GPRC6A: variants seen among roughly 807,000 people sequenced by gnomAD.
GPRC6A encodes the protein G protein-coupled receptor class C group 6 member A, also known as G protein-coupled receptor family C group 6 member A.
Under a neutral mutation model 47.0 loss-of-function variants are expected in GPRC6A, and 54 were observed. That is an observed-to-expected ratio of 1.15 (90% CI 0.92 to 1.44). The LOEUF (loss-of-function observed/expected upper bound fraction) is 1.44, where lower values mean the gene tolerates loss of function less well. Among genes scored for constraint, GPRC6A ranks in the 40% most tolerant of loss-of-function variants. GPRC6A has a pLI of 0.00. For missense variants in GPRC6A, 1,112 were observed against 1,105.5 expected (o/e 1.01, Z -0.08); for synonymous variants, 347 against 377.1 (o/e 0.92, Z 0.93).
chr6:116,800,253 TCTTC>T (rs1772618651), intron 4 of GPRC6A, among the ~76,000 whole-genome samples: 1 of 91,934 alleles, frequency 1.1e-5, no homozygotes, highest in Non-Finnish European at 2.1e-5. Flanking sequence ...TTTCTCTCTC[TCTTC>T]CTTCCTTCCT....
chr6:116,793,125 G>A lies in GPRC6A; in HGVS notation c.1798C>T (p.Leu600Phe), dbSNP rs140601827. 837 of 1,613,948 alleles carry A rather than the reference G, an allele frequency of 5.2e-4. 5 individuals are homozygous for A. In the African/African-American group the frequency reaches 0.01, roughly 20 times the overall value. Residue 600 changes from leucine to phenylalanine, a missense_variant, in exon 6 of 6, where the codon CTC (leucine) becomes TTC (phenylalanine). Physicochemically the swap from Leu to Phe is conservative, Grantham distance 22. Transcript: ENST00000310357. ...ACAAATATGATTCCCAGTAGGGAGA[G>A]AATCAGGAGTAGGATGGCCAAGGAG... ...NDSLAILLLI[L>F]SLLGIIFVLV...
rs146487100 is a variant in GPRC6A at position 116,804,400 on chromosome 6, G to T, written c.1335+1970C>A. ...TTAAATATTAGTGAATTTTGCTAGGGTACAAAGTAATCCTTAAGAATGTAT... is the reference window on the plus strand; with the variant it reads ...TTAAATATTAGTGAATTTTGCTAGGTTACAAAGTAATCCTTAAGAATGTAT... On this transcript the variant is annotated intron_variant, in intron 3 of 5. Coordinates refer to ENST00000310357, the MANE Select transcript of GPRC6A (RefSeq NM_148963.4). Among the ~76,000 whole-genome samples the T allele has an allele frequency of 5.7e-4, 86 of 152,170 alleles. 2 individuals are homozygous for T. The highest frequency in any genetic ancestry group is 1.8e-3 in the African/African-American group (75 of 41,552).
rs534158958 is a variant in GPRC6A, at chr6:116,816,649, C to A, written c.195-7032G>T. ...ACCGGGTTCATCTCACTAGGGAGTG[C>A]CAGACAGTGGGCGCAGGTCAGTGGG... is the stretch of plus-strand genomic sequence containing the variant. On this transcript the variant is annotated intron_variant, in intron 1 of 5. Transcript: ENST00000310357. Among the ~76,000 whole-genome samples, 320 of 152,338 alleles carry A rather than the reference C, an allele frequency of 2.1e-3. 1 individual carries two copies. Among genetic ancestry groups the A allele is most frequent in the African/African-American group, 7.3e-3 (303 of 41,582 alleles).
Position 116,807,130 on chromosome 6 carries a change from T to C in GPRC6A, c.575A>G (p.Asp192Gly). The C allele has an allele frequency of 6.2e-7, 1 of 1,613,742 alleles. No individual in the cohort carries two copies. Among genetic ancestry groups the C allele is most frequent in the Non-Finnish European group, 8.5e-7 (1 of 1,179,742 alleles). The change falls in exon 3 of 6, where the codon GAC becomes GGC. Residue 192 changes from aspartate (D) to glycine (G), a missense_variant. Transcript: ENST00000310357. The part of the protein sequence containing the change: ...FPSFLRTVPS[D>G]FHQIKAMAHL... ...AGCCATTGCTTTAATTTGATGGAAGTCACTGGGCACAGTCCGTAAAAATGA... is the reference window on the plus strand; with the variant it reads ...AGCCATTGCTTTAATTTGATGGAAGCCACTGGGCACAGTCCGTAAAAATGA...
In GPRC6A at chr6:116,792,202, G is replaced by A. The variant is rs41290854; in HGVS notation, c.2721C>T (p.Cys907=). ...TAGATACACTTGTGGCATTTTCCCT[G>A]CATATGTGTGCAAATGCTTGTGCCT... is the stretch of plus-strand genomic sequence containing the variant. ...DLQAQAFAHI[C]RENATSVSKT... The change falls in exon 6 of 6, where the codon TGC becomes TGT. Residue 907 remains cysteine (C), a synonymous_variant. Coordinates refer to ENST00000310357, the MANE Select transcript of GPRC6A (RefSeq NM_148963.4). 0.02 allele frequency: 31,733 copies of A among 1,613,776 alleles called. 411 individuals are homozygous for A. The highest frequency in any genetic ancestry group is 0.051 in the Middle Eastern group (310 of 6,056).
chr6:116,828,013 A>G (rs1420502260), intron 1 of GPRC6A, among the ~76,000 whole-genome samples: 1 of 152,158 alleles, frequency 6.6e-6, no homozygotes, highest in Non-Finnish European at 1.5e-5. Flanking sequence ...AGCACATTCC[A>G]TAGCAACAGC....
At chr6:116,828,247 G>A (rs942734664) in intron 1 of GPRC6A, among the ~76,000 whole-genome samples, 2 of 152,084 alleles carry the variant, frequency 1.3e-5, no homozygotes, top group African/African-American at 4.8e-5. Flanking sequence ...ATTATACTGT[G>A]CCAGTGAAAT....
intron 2 of GPRC6A, among the ~76,000 whole-genome samples, chr6:116,808,238 C>G (rs758688825): frequency 6.6e-6 from 1 of 152,110 alleles, no homozygotes; most frequent in African/African-American, 2.4e-5. Context: ...TGTTGCTATG[C>G]TCAGCCACAT....
Position 116,792,403 on chromosome 6 carries a change from C to G in GPRC6A, c.2520G>C (p.Lys840Asn), listed in dbSNP as rs777182062. ...AGGCAGACTTTGTGTTAATCTCTTG[C>G]TTACAAATAATAACATAGCATTTGG... ...FIPKCYVIIC[K>N]QEINTKSAFL... Residue 840 changes from lysine to asparagine, a missense_variant, in exon 6 of 6, where the codon AAG (lysine) becomes AAC (asparagine). Transcript: ENST00000310357. The G allele has an allele frequency of 1.5e-5, 25 of 1,613,878 alleles. No individual in the cohort carries two copies. The Admixed American group carries it at 1.7e-4, about 11-fold the overall frequency.
chr6:116,812,006 A>C (rs1211646982), intron 1 of GPRC6A, among the ~76,000 whole-genome samples: 1 of 152,186 alleles, frequency 6.6e-6, no homozygotes, highest in African/African-American at 2.4e-5. Context: ...AGGTTTAGAC[A>C]TCCAGATACA....
rs374364294 is a variant in GPRC6A at position 116,792,205 on chromosome 6, T to C, written c.2718A>G (p.Ile906Met). The C allele has an allele frequency of 4.3e-6, 7 of 1,613,828 alleles. No individual in the cohort carries two copies. Among genetic ancestry groups the C allele is most frequent in the Non-Finnish European group, 5.9e-6 (7 of 1,179,854 alleles). ...KDLQAQAFAH[I>M]CRENATSVSK... The stretch of plus-strand genomic sequence containing the variant: ...ATACACTTGTGGCATTTTCCCTGCA[T>C]ATGTGTGCAAATGCTTGTGCCTGAA... Residue 906 changes from isoleucine (I) to methionine (M), a missense_variant, in exon 6 of 6, where the codon ATA becomes ATG. Coordinates refer to ENST00000310357, the MANE Select transcript of GPRC6A (RefSeq NM_148963.4).
chr6:116,811,854 C>A lies in GPRC6A; in HGVS notation c.195-2237G>T, dbSNP rs145563073. On this transcript the variant is annotated intron_variant, in intron 1 of 5. Coordinates refer to ENST00000310357, the MANE Select transcript of GPRC6A (RefSeq NM_148963.4). The stretch of plus-strand genomic sequence containing the variant: ...AGGAAAAAAAAAGAATTAAAAAAAG[C>A]TAAACAAAGCCTTCATGGTATATGG... 1.6e-3 allele frequency among the ~76,000 whole-genome samples: 238 copies of A among 151,880 alleles called. 1 individual carries two copies. The highest frequency in any genetic ancestry group is 4.7e-3 in the African/African-American group (195 of 41,456).
chr6:116,798,485 G>T (rs532759225), intron 4 of GPRC6A, among the ~76,000 whole-genome samples: 83 of 152,110 alleles, frequency 5.5e-4, no homozygotes, highest in Non-Finnish European at 4.1e-4. Context: ...AGGTTGTGTA[G>T]AATTTTTAAA....
intron 2 of GPRC6A, among the ~76,000 whole-genome samples, chr6:116,808,057 G>C (rs1479707494): frequency 1.3e-5 from 2 of 151,412 alleles, no homozygotes; most frequent in African/African-American, 4.9e-5. Context: ...CAATAGGCTT[G>C]GGAACCAGAT....
chr6:116,800,532 G>T, intron 4 of GPRC6A, 52 bp downstream of exon 4: 1 of 1,138,540 alleles, frequency 8.8e-7, no homozygotes. Context: ...GACTTTTGCA[G>T]TTGAGGTACC....
At chr6:116,810,060 A>C (rs898401296) in intron 1 of GPRC6A, among the ~76,000 whole-genome samples, 10 of 152,182 alleles carry the variant, frequency 6.6e-5, no homozygotes, top group Non-Finnish European at 1.2e-4. Context: ...CTTTGGTTAA[A>C]GCTTAACAGC....
At position 116,795,815 on chromosome 6, in the gene GPRC6A, G is replaced by T; in HGVS notation, c.1569C>A (p.Ser523=). Reference sequence around the variant, plus strand: ...TCATTTGCCCAGGACTGCATTCCTTGGAGCATTTAGATTGAATTTGCTATA... The same window carrying T: ...TCATTTGCCCAGGACTGCATTCCTTTGAGCATTTAGATTGAATTTGCTATA... ...RNLKQIQSKC[S]KECSPGQMKK... The change falls in exon 5 of 6, where the codon TCC becomes TCA. Residue 523 remains serine (S), a synonymous_variant. Coordinates refer to ENST00000310357, the MANE Select transcript of GPRC6A (RefSeq NM_148963.4). 6 of 1,601,324 alleles carry T rather than the reference G, an allele frequency of 3.7e-6. No homozygotes were observed. The highest frequency in any genetic ancestry group is 5.1e-6 in the Non-Finnish European group (6 of 1,172,060).
At chr6:116,809,012 T>C (rs1479184000) in intron 2 of GPRC6A, among the ~76,000 whole-genome samples, 1 of 152,182 alleles carries the variant, frequency 6.6e-6, no homozygotes, top group African/African-American at 2.4e-5. Context: ...CAAAAGCATC[T>C]CTTACTATGT....
At chr6:116,797,936 T>C (rs1329815645) in intron 4 of GPRC6A, among the ~76,000 whole-genome samples, 1 of 152,184 alleles carries the variant, frequency 6.6e-6, no homozygotes, top group African/African-American at 2.4e-5. Context: ...TACTAAAACT[T>C]TTACAGCCAG....
Sources: allele counts gnomAD v4.1 joint callset (sites outside exome capture counted in the v4.1 genomes callset), GRCh38; gene constraint gnomAD v4.1.1; transcripts MANE v1.5; gene names NCBI Gene and HGNC (gene_info 2026-07-23, HGNC 2026-07-21).